KCNK13: variants seen among roughly 807,000 people sequenced by gnomAD.
The protein encoded by KCNK13 is potassium channel subfamily K member 13.
Under a neutral mutation model 23.4 loss-of-function variants are expected in KCNK13, and 12 were observed. The ratio of observed to expected loss-of-function variants is 0.51; its 90% CI spans 0.33 to 0.83. The LOEUF (loss-of-function observed/expected upper bound fraction) is 0.83, where lower values mean the gene tolerates loss of function less well. KCNK13 is among the 40% of genes least tolerant of loss of function. The pLI is 0.02. For synonymous variants in KCNK13, 231 were observed against 229.5 expected, an observed-to-expected ratio of 1.01 and a Z score of -0.06; for missense variants, 463 against 556.3, an observed-to-expected ratio of 0.83 and a Z score of 1.69.
At chr14:90,167,087 G>T (rs888631629) in intron 1 of KCNK13, among the ~76,000 whole-genome samples, 1 of 152,116 alleles carries the variant, frequency 6.6e-6, no homozygotes, top group Non-Finnish European at 1.5e-5. Flanking sequence ...TGTAAAAGGG[G>T]GATGAAGGGT....
intron 1 of KCNK13, among the ~76,000 whole-genome samples, chr14:90,160,497 C>T (rs1566649055): frequency 6.6e-6 from 1 of 152,034 alleles, no homozygotes; most frequent in Non-Finnish European, 1.5e-5. Flanking sequence ...AAGATGAGTA[C>T]TTATATTTTG....
At chr14:90,086,827 GAGCATCTATAAATGTAGATGGTAA>G (rs1236079925) in intron 1 of KCNK13, among the ~76,000 whole-genome samples, 7 of 152,124 alleles carry the variant, frequency 4.6e-5, no homozygotes, top group Non-Finnish European at 2.9e-5. Context: ...ATAGAATTCA[GAGCATCTATAAATGTAGATGGTAA>G]AATAATTCCA....
At chr14:90,172,208 A>G (rs1890372127) in intron 1 of KCNK13, among the ~76,000 whole-genome samples, 1 of 151,524 alleles carries the variant, frequency 6.6e-6, no homozygotes, top group Non-Finnish European at 1.5e-5. Context: ...TCCCAGCTAC[A>G]TGGGAGGTTG....
At chr14:90,173,013 T>C (rs1890382827) in intron 1 of KCNK13, among the ~76,000 whole-genome samples, 1 of 152,164 alleles carries the variant, frequency 6.6e-6, no homozygotes, top group African/African-American at 2.4e-5. Context: ...CTTCAATATT[T>C]CTATGTCACC....
chr14:90,132,716 G>A (rs955702684), intron 1 of KCNK13, among the ~76,000 whole-genome samples: 2 of 152,122 alleles, frequency 1.3e-5, no homozygotes, highest in African/African-American at 4.8e-5. Context: ...TAATGCCACT[G>A]AACTGTGCAC....
Position 90,092,912 on chromosome 14 carries a change from C to CAAA in KCNK13, c.334+30393_334+30395dup, listed in dbSNP as rs34122207. ...GGATGACAGAGTGAGACCCTGTCTC[C>CAAA]AAAAAAAAAAAAAAAAAAAAAAGCA... On this transcript the variant is annotated intron_variant, in intron 1 of 1. Coordinates refer to ENST00000282146, the MANE Select transcript of KCNK13 (RefSeq NM_022054.4). Among the ~76,000 whole-genome samples the CAAA allele has an allele frequency of 4.0e-3, 313 of 78,280 alleles. 6 individuals carry two copies. Among genetic ancestry groups the CAAA allele is most frequent in the African/African-American group, 9.8e-3 (207 of 21,208 alleles). The allele number at this position is 78,280 out of a possible 152,430, so 51.4% of individuals were successfully genotyped here.
intron 1 of KCNK13, among the ~76,000 whole-genome samples, chr14:90,154,236 T>C (rs991374734): frequency 6.6e-6 from 1 of 151,568 alleles, no homozygotes; most frequent in Non-Finnish European, 1.5e-5. Flanking sequence ...TGTGCTCTCC[T>C]ACCCATAATG....
At chr14:90,160,527 GT>G (rs1409041408) in intron 1 of KCNK13, among the ~76,000 whole-genome samples, 3 of 152,168 alleles carry the variant, frequency 2.0e-5, no homozygotes, top group South Asian at 2.1e-4. Flanking sequence ...TTATTTTTGT[GT>G]TTGGGTAGAT....
chr14:90,071,876 C>T (rs773864112), intron 1 of KCNK13, among the ~76,000 whole-genome samples: 124 of 149,082 alleles, frequency 8.3e-4, no homozygotes, highest in Non-Finnish European at 1.3e-3. Flanking sequence ...CCAGCCTGGG[C>T]GACAGAGTGA....
intron 1 of KCNK13, among the ~76,000 whole-genome samples, chr14:90,067,052 C>T (rs1412891742): frequency 1.3e-5 from 2 of 152,166 alleles, no homozygotes; most frequent in East Asian, 1.9e-4. Flanking sequence ...AGGTGGATCA[C>T]GAGGTCAGGA....
intron 1 of KCNK13, among the ~76,000 whole-genome samples, chr14:90,086,334 C>T (rs1283525979): frequency 6.6e-6 from 1 of 152,138 alleles, no homozygotes; most frequent in Non-Finnish European, 1.5e-5. Context: ...TATTTTCCCC[C>T]ATTCTATAGG....
chr14:90,094,922 C>T, intron 1 of KCNK13, among the ~76,000 whole-genome samples: 1 of 152,162 alleles, frequency 6.6e-6, no homozygotes, highest in East Asian at 1.9e-4. Context: ...GCTGGGATTA[C>T]AGGCGTGAGC....
chr14:90,107,500 G>A (rs1284747651), intron 1 of KCNK13, among the ~76,000 whole-genome samples: 1 of 152,148 alleles, frequency 6.6e-6, no homozygotes, highest in Non-Finnish European at 1.5e-5. Context: ...ATATATACAT[G>A]TTGAGCCTTC....
At chr14:90,113,943 G>GA (rs1232099521) in intron 1 of KCNK13, among the ~76,000 whole-genome samples, 3 of 150,662 alleles carry the variant, frequency 2.0e-5, no homozygotes, top group African/African-American at 7.3e-5. Flanking sequence ...AAAAGAAGAA[G>GA]AAGAAAAAAA....
At chr14:90,109,600 C>T (rs1473787611) in intron 1 of KCNK13, among the ~76,000 whole-genome samples, 2 of 151,622 alleles carry the variant, frequency 1.3e-5, no homozygotes, top group East Asian at 1.9e-4. Flanking sequence ...TTAGTAGAGA[C>T]GAGGTTTCAC....
chr14:90,164,571 T>A (rs1336782189), intron 1 of KCNK13, among the ~76,000 whole-genome samples: 2 of 152,198 alleles, frequency 1.3e-5, no homozygotes, highest in Non-Finnish European at 2.9e-5. Flanking sequence ...ATAGCAAATG[T>A]GAGGTGTGTG....
intron 1 of KCNK13, among the ~76,000 whole-genome samples, chr14:90,114,637 G>C (rs1290350166): frequency 6.6e-6 from 1 of 152,126 alleles, no homozygotes; most frequent in African/African-American, 2.4e-5. Context: ...CATGTATATT[G>C]CTCCCAATCT....
At chr14:90,132,373 G>A (rs565998762) in intron 1 of KCNK13, among the ~76,000 whole-genome samples, 11 of 152,090 alleles carry the variant, frequency 7.2e-5, no homozygotes, top group South Asian at 2.1e-4. Flanking sequence ...GCGAAACCCC[G>A]TCTCTACTAA....
intron 1 of KCNK13, among the ~76,000 whole-genome samples, chr14:90,067,653 T>TTTTCTGA (rs1889024742): frequency 1.3e-5 from 2 of 152,022 alleles, no homozygotes; most frequent in Non-Finnish European, 2.9e-5. Flanking sequence ...CAGGGCAGAG[T>TTTTCTGA]ATTAAAACAC....
Sources: gnomAD v4.1 joint callset for allele counts (sites outside exome capture counted in the v4.1 genomes callset) on GRCh38, gnomAD v4.1.1 for gene constraint, MANE v1.5 for transcripts, NCBI Gene and HGNC (gene_info 2026-07-23, HGNC 2026-07-21) for gene names.